ADAM9: variants seen among roughly 807,000 people sequenced by gnomAD.
ADAM9 encodes ADAM metallopeptidase domain 9.
In ADAM9, 54 loss-of-function variants were observed where a neutral mutation model predicts 108.1. The observed-to-expected ratio is 0.50, with a 90% confidence interval of 0.40 to 0.63. The LOEUF (loss-of-function observed/expected upper bound fraction) is 0.63, where lower values mean the gene tolerates loss of function less well. Among genes scored for constraint, ADAM9 ranks in the 20% least tolerant of loss-of-function variants. ADAM9 has a pLI of 0.00. For missense variants in ADAM9, 830 were observed against 997.7 expected (o/e 0.83, Z 2.26); for synonymous variants, 316 against 336.0 (o/e 0.94, Z 0.65).
intron 20 of ADAM9, 26 bp downstream of exon 20, chr8:39,091,372 T>G (rs760835249): frequency 2.5e-6 from 4 of 1,586,050 alleles, no homozygotes; most frequent in Non-Finnish European, 3.5e-6. Context: ...AAAATTATTT[T>G]TCTTTACTGT....
At chr8:39,097,371 ATC>A (rs1394170485) in intron 20 of ADAM9, among the ~76,000 whole-genome samples, 1 of 150,440 alleles carries the variant, frequency 6.6e-6, no homozygotes, top group Non-Finnish European at 1.5e-5. Flanking sequence ...CAGTGGTGCC[ATC>A]TCGGCTCATT....
At chr8:39,082,867 G>A in intron 17 of ADAM9, 101 bp from the exon 18 acceptor site, 1 of 1,327,548 alleles carries the variant, frequency 7.5e-7, no homozygotes, top group Non-Finnish European at 1.1e-6. Flanking sequence ...GTGTCAGTAA[G>A]CTTGTATGAA....
chr8:39,031,946 C>T (rs544477596), intron 11 of ADAM9, among the ~76,000 whole-genome samples: 5 of 152,328 alleles, frequency 3.3e-5, no homozygotes, highest in African/African-American at 1.2e-4. Context: ...TGGAGGTCCA[C>T]TCCAGACCCT....
intron 16 of ADAM9, among the ~76,000 whole-genome samples, chr8:39,078,926 A>T (rs1246455067): frequency 6.6e-6 from 1 of 152,184 alleles, no homozygotes; most frequent in Admixed American, 6.5e-5. Flanking sequence ...ACCTTTTCAA[A>T]ATAAGTGCTT....
At chr8:39,022,260 C>T (rs996843949) in intron 8 of ADAM9, among the ~76,000 whole-genome samples, 1 of 152,100 alleles carries the variant, frequency 6.6e-6, no homozygotes, top group South Asian at 2.1e-4. Context: ...ATAGCATTCA[C>T]TTGAGTACTT....
At chr8:39,016,449 G>A (rs1271835598) in intron 5 of ADAM9, among the ~76,000 whole-genome samples, 1 of 152,068 alleles carries the variant, frequency 6.6e-6, no homozygotes, top group Non-Finnish European at 1.5e-5. Flanking sequence ...TATTTAAAAT[G>A]AAATATACTT....
At position 39,054,602 on chromosome 8, in the gene ADAM9, GAAAAAAA is replaced by G. The variant is rs755442483; in HGVS notation, c.1395+43_1395+49del. 2.8e-4 allele frequency: 268 copies of G among 946,016 alleles called. No homozygotes were observed. In the South Asian group the frequency reaches 3.4e-3, roughly 12 times the overall value. The allele number at this position is 946,016 out of a possible 1,614,324, so 58.6% of individuals were successfully genotyped here. A position where few individuals can be genotyped will look rare whatever the true frequency, so the allele number is the denominator to read the frequency against. ...AGGAATTCCTCCCTTTTGGAAACAG[GAAAAAAA>G]AAAAAAAAAAAAAGAAAACCTGTGT... On this transcript the variant is annotated intron_variant, in intron 13 of 21. Coordinates refer to ENST00000487273, the MANE Select transcript of ADAM9 (RefSeq NM_003816.3).
At chr8:39,043,890 G>C (rs1409530726) in intron 12 of ADAM9, among the ~76,000 whole-genome samples, 1 of 152,098 alleles carries the variant, frequency 6.6e-6, no homozygotes, top group Admixed American at 6.5e-5. Context: ...TTGACTTTCT[G>C]CTTCTGAGTT....
At position 38,997,054 on chromosome 8, in the gene ADAM9, A is replaced by T. The variant is rs1470147718; in HGVS notation, c.-10A>T. On this transcript the variant is annotated 5_prime_UTR_variant, in exon 1 of 22. Transcript: ENST00000487273. Reference sequence around the variant, plus strand: ...CCGAGTGCTGAGAGGAACCTGCGGAATCGGCCGAGATGGGGTCTGGCGCGC... The same window carrying T: ...CCGAGTGCTGAGAGGAACCTGCGGATTCGGCCGAGATGGGGTCTGGCGCGC... 1 of 1,602,062 alleles carries T rather than the reference A, an allele frequency of 6.2e-7. No individual in the cohort carries two copies. The highest frequency in any genetic ancestry group is 1.7e-5 in the Admixed American group (1 of 59,822).
intron 5 of ADAM9, among the ~76,000 whole-genome samples, chr8:39,016,632 A>T (rs959572396): frequency 6.6e-6 from 1 of 152,212 alleles, no homozygotes; most frequent in Non-Finnish European, 1.5e-5. Flanking sequence ...TAGTATTAAC[A>T]TTACATTCCT....
chr8:39,104,388 A>G lies in ADAM9; in HGVS notation c.*688A>G. 2.3e-6 allele frequency: 1 copy of G among 438,068 alleles called. No homozygotes were observed. Among genetic ancestry groups the G allele is most frequent in the East Asian group, 7.1e-5 (1 of 14,120 alleles). 27.1% of individuals were successfully genotyped at this position (438,068 alleles called of 1,614,324 possible). On this transcript the variant is annotated 3_prime_UTR_variant, in exon 22 of 22. Coordinates refer to ENST00000487273, the MANE Select transcript of ADAM9 (RefSeq NM_003816.3). ...ACTATAGGTAATAACTCTTAGAGAA[A>G]TTAATTTAATATTAGAATTTCTATT...
At chr8:39,058,549 T>TA (rs775274096) in intron 14 of ADAM9, among the ~76,000 whole-genome samples, 4 of 152,212 alleles carry the variant, frequency 2.6e-5, no homozygotes, top group Non-Finnish European at 4.4e-5. Context: ...ATTCTAGACA[T>TA]ACTCTTCCTT....
In ADAM9 at chr8:39,054,567, C is replaced by T. The variant is rs1204485215; in HGVS notation, c.1389C>T (p.Asp463=). 1 of 1,547,228 alleles carries T rather than the reference C, an allele frequency of 6.5e-7. No individual in the cohort carries two copies. Among genetic ancestry groups the T allele is most frequent in the South Asian group, 1.1e-5 (1 of 89,694 alleles). ...GTGCATATGGTGACTGTTGTAAAGA[C>T]TGTCGGGTAAGGAATTCCTCCCTTT... ...AECAYGDCCK[D]CRFLPGGTLC... is the part of the protein sequence containing the mutation. Residue 463 remains aspartate, a synonymous_variant, in exon 13 of 22, where the codon GAC becomes GAT. Transcript: ENST00000487273.
chr8:39,039,363 T>G (rs1355038867), intron 11 of ADAM9, among the ~76,000 whole-genome samples: 1 of 152,238 alleles, frequency 6.6e-6, no homozygotes, highest in African/African-American at 2.4e-5. Context: ...TCAAGCAGAT[T>G]AACACATCCA....
At chr8:39,001,604 G>T (rs1048687117) in intron 1 of ADAM9, among the ~76,000 whole-genome samples, 1 of 150,466 alleles carries the variant, frequency 6.6e-6, no homozygotes, top group African/African-American at 2.4e-5. Context: ...TAAGAAAAGT[G>T]TAACACTAAA....
At chr8:39,007,737 T>G in intron 1 of ADAM9, 149 bp from the exon 2 acceptor site, 1 of 634,580 alleles carries the variant, frequency 1.6e-6, no homozygotes, top group Non-Finnish European at 2.8e-6. Context: ...TAATACAACT[T>G]TATATGAGTA....
intron 11 of ADAM9, among the ~76,000 whole-genome samples, chr8:39,033,486 G>T (rs1394203316): frequency 6.7e-6 from 1 of 150,342 alleles, no homozygotes; most frequent in Non-Finnish European, 1.5e-5. Flanking sequence ...TTTTAGCATT[G>T]ACAGTGTGTT....
At chr8:39,037,050 C>CTTTTTTT (rs58876607) in intron 11 of ADAM9, among the ~76,000 whole-genome samples, 4 of 78,606 alleles carry the variant, frequency 5.1e-5, no homozygotes, top group African/African-American at 1.1e-4. Context: ...TGCGCAAGTT[C>CTTTTTTT]TTTTTTTTTT....
At chr8:39,043,295 T>G (rs1837510817) in intron 12 of ADAM9, among the ~76,000 whole-genome samples, 1 of 152,184 alleles carries the variant, frequency 6.6e-6, no homozygotes, top group South Asian at 2.1e-4. Context: ...TACCCAGAAG[T>G]GGGATTGCTA....
Sources: allele counts gnomAD v4.1 joint callset (sites outside exome capture counted in the v4.1 genomes callset), GRCh38; gene constraint gnomAD v4.1.1; transcripts MANE v1.5; gene names NCBI Gene and HGNC (gene_info 2026-07-23, HGNC 2026-07-21).